TRAPPC8: variants seen among roughly 807,000 people sequenced by gnomAD.
The protein encoded by TRAPPC8 is general sporulation gene 1 homolog.
In TRAPPC8, 54 loss-of-function variants were observed where a neutral mutation model predicts 174.3. The observed-to-expected ratio is 0.31, with a 90% CI of 0.25 to 0.39. TRAPPC8 has a LOEUF of 0.39. TRAPPC8 is among the 10% of genes least tolerant of loss of function. The pLI is 1.00. For missense variants in TRAPPC8, 1,531 were observed against 1,699.1 expected, an observed-to-expected ratio of 0.90 and a Z score of 1.74; for synonymous variants, 630 against 579.9, an observed-to-expected ratio of 1.09 and a Z score of -1.24.
chr18:31,911,612 G>A (rs1212788029), intron 5 of TRAPPC8, among the ~76,000 whole-genome samples: 2 of 151,098 alleles, frequency 1.3e-5, no homozygotes, highest in East Asian at 1.9e-4. Context: ...GGTGGCGGGC[G>A]CCTGTAATCC....
intron 27 of TRAPPC8, among the ~76,000 whole-genome samples, chr18:31,838,230 C>T (rs2032879471): frequency 2.6e-5 from 4 of 152,204 alleles, no homozygotes; most frequent in African/African-American, 9.7e-5. Flanking sequence ...CTAGCATCTT[C>T]TCAGTAGCTA....
intron 27 of TRAPPC8, among the ~76,000 whole-genome samples, chr18:31,832,767 G>C (rs968918815): frequency 2.6e-5 from 4 of 152,054 alleles, no homozygotes; most frequent in African/African-American, 9.7e-5. Flanking sequence ...TGATAGAAGA[G>C]GACATGCGAA....
intron 8 of TRAPPC8, 27 bp from the exon 9 acceptor site, chr18:31,907,637 T>G (rs1189019089): frequency 1.3e-6 from 2 of 1,543,238 alleles, no homozygotes; most frequent in Non-Finnish European, 1.8e-6. Flanking sequence ...AAATAATTTA[T>G]AATTTATTAC....
intron 9 of TRAPPC8, among the ~76,000 whole-genome samples, chr18:31,902,133 G>A (rs2036455472): frequency 6.6e-6 from 1 of 152,126 alleles, no homozygotes; most frequent in Non-Finnish European, 1.5e-5. Context: ...TTGTGAACAT[G>A]GTGAAACACT....
chr18:31,880,599 G>A (rs1206035889), intron 12 of TRAPPC8, among the ~76,000 whole-genome samples: 2 of 152,012 alleles, frequency 1.3e-5, no homozygotes, highest in Non-Finnish European at 2.9e-5. Context: ...AGACAAGGAT[G>A]TACACTCTGC....
At position 31,857,677 on chromosome 18, in the gene TRAPPC8, A is replaced by C; in HGVS notation, c.3051T>G (p.Val1017=). 6.2e-7 allele frequency: 1 copy of C among 1,614,152 alleles called. No individual in the cohort carries two copies. Among genetic ancestry groups the C allele is most frequent in the Non-Finnish European group, 8.5e-7 (1 of 1,180,008 alleles). ...GTAGAAGAACAGTGTCAGGAAGGGG[A>C]ACAGGAATCACCTCTGGTTGACTTC... is the stretch of plus-strand genomic sequence containing the variant. ...GTGSQPEVIP[V]PLPDTVLLPG... The change falls in exon 20 of 29, where the codon GTT becomes GTG. Residue 1017 remains valine, a synonymous_variant. Coordinates refer to ENST00000283351, the MANE Select transcript of TRAPPC8 (RefSeq NM_014939.5).
rs747814987 is a variant in TRAPPC8, at chr18:31,907,625, G to T, written c.1239-15C>A. On this transcript the variant is annotated splice_polypyrimidine_tract_variant and intron_variant, in intron 8 of 28. Coordinates refer to ENST00000283351, the MANE Select transcript of TRAPPC8 (RefSeq NM_014939.5). The stretch of plus-strand genomic sequence containing the variant: ...CCGGCGGATACCTGTAAATACAAAA[G>T]AAAATAATTTATAATTTATTACCCC... 1.9e-6 allele frequency: 3 copies of T among 1,573,000 alleles called. No individual in the cohort carries two copies. Among genetic ancestry groups the T allele is most frequent in the East Asian group, 2.3e-5 (1 of 43,410 alleles).
At chr18:31,895,425 T>C (rs1304054733) in intron 11 of TRAPPC8, among the ~76,000 whole-genome samples, 1 of 152,052 alleles carries the variant, frequency 6.6e-6, no homozygotes, top group Non-Finnish European at 1.5e-5. Context: ...ACCTGCCCCC[T>C]CTCCCCACCA....
At chr18:31,842,535 T>C (rs11660557) in intron 26 of TRAPPC8, among the ~76,000 whole-genome samples, 34,864 of 152,140 alleles carry the variant, frequency 0.23, 4,826 homozygotes, top group South Asian at 0.52. Context: ...CAGAACCTAC[T>C]TATCCCATGA....
At chr18:31,867,718 T>TA (rs1306662308) in intron 16 of TRAPPC8, among the ~76,000 whole-genome samples, 2 of 152,108 alleles carry the variant, frequency 1.3e-5, no homozygotes, top group African/African-American at 4.8e-5. Context: ...CTGAGAAGGA[T>TA]AAGCAATCGA....
intron 12 of TRAPPC8, among the ~76,000 whole-genome samples, chr18:31,875,860 A>G (rs2035115475): frequency 6.6e-6 from 1 of 152,202 alleles, no homozygotes; most frequent in Non-Finnish European, 1.5e-5. Context: ...GGGAGCTAAA[A>G]CAGTGGATTT....
At chr18:31,861,079 A>C (rs1406201003) in intron 19 of TRAPPC8, among the ~76,000 whole-genome samples, 1 of 152,252 alleles carries the variant, frequency 6.6e-6, no homozygotes, top group African/African-American at 2.4e-5. Context: ...AACTCCTATC[A>C]GGAAACCCAT....
chr18:31,941,112 A>C (rs1376623824), intron 1 of TRAPPC8, among the ~76,000 whole-genome samples: 1 of 152,336 alleles, frequency 6.6e-6, no homozygotes, highest in South Asian at 2.1e-4. Context: ...AAGAGTACAC[A>C]TATAAAAGTA....
intron 5 of TRAPPC8, 43 bp from the exon 6 acceptor site, chr18:31,909,803 T>C (rs760340286): frequency 1.2e-5 from 16 of 1,310,704 alleles, no homozygotes; most frequent in Admixed American, 2.3e-5. Flanking sequence ...TTATACTTAA[T>C]CATACTTAAT....
intron 19 of TRAPPC8, among the ~76,000 whole-genome samples, chr18:31,858,582 G>A (rs2034157271): frequency 6.6e-6 from 1 of 152,124 alleles, no homozygotes; most frequent in Non-Finnish European, 1.5e-5. Flanking sequence ...TACAGTTCAT[G>A]CAAGAAATAT....
intron 2 of TRAPPC8, among the ~76,000 whole-genome samples, chr18:31,920,757 A>G (rs1248262636): frequency 6.6e-6 from 1 of 152,020 alleles, no homozygotes; most frequent in Non-Finnish European, 1.5e-5. Flanking sequence ...CTCGACCAAC[A>G]TGGTAGAACG....
At chr18:31,923,440 G>A (rs2145582889) in intron 2 of TRAPPC8, among the ~76,000 whole-genome samples, 1 of 152,274 alleles carries the variant, frequency 6.6e-6, no homozygotes, top group Admixed American at 6.5e-5. Flanking sequence ...TGACCGATCT[G>A]AAGAAAACAC....
At position 31,832,250 on chromosome 18, in the gene TRAPPC8, G is replaced by A. The variant is rs1034836539; in HGVS notation, c.3984-77C>T. The A allele has an allele frequency of 1.0e-5, 8 of 782,632 alleles. No homozygotes were observed. The African/African-American group carries it at 1.5e-4, about 14-fold the overall frequency. The allele number at this position is 782,632 out of a possible 1,614,324, so 48.5% of individuals were successfully genotyped here. ...CAATTTTCCTGAAAATAACACTTAA[G>A]ACTATGTAACAGAGCATAAGCTCCT... On this transcript the variant is annotated intron_variant, in intron 27 of 28. Coordinates refer to ENST00000283351, the MANE Select transcript of TRAPPC8 (RefSeq NM_014939.5).
Position 31,908,450 on chromosome 18 carries a change from CAAAG to C in TRAPPC8, c.1123-36_1123-33del, listed in dbSNP as rs766579315. On this transcript the variant is annotated intron_variant, in intron 7 of 28. Transcript: ENST00000283351. ...AAAAGAGATTAAATATGTTGACAAA[CAAAG>C]AATTTAGTATTTTTCCTTTACATAA... 2.4e-5 allele frequency: 33 copies of C among 1,352,872 alleles called. No individual in the cohort carries two copies. In the African/African-American group the frequency reaches 3.7e-4, roughly 15 times the overall value. The allele number at this position is 1,352,872 out of a possible 1,614,324, so 83.8% of individuals were successfully genotyped here.
Sources: gnomAD v4.1 joint callset for allele counts (sites outside exome capture counted in the v4.1 genomes callset) on GRCh38, gnomAD v4.1.1 for gene constraint, MANE v1.5 for transcripts, NCBI Gene and HGNC (gene_info 2026-07-23, HGNC 2026-07-21) for gene names.